LPL: variants seen among roughly 807,000 people sequenced by gnomAD.
LPL encodes phospholipase A1.
Under a neutral mutation model 52.2 loss-of-function variants are expected in LPL, and 43 were observed. The observed-to-expected ratio is 0.82, with a 90% confidence interval of 0.64 to 1.06. LPL has a LOEUF of 1.06. Among genes scored for constraint, LPL ranks in the 50% least tolerant of loss-of-function variants. The pLI, the probability that LPL is intolerant of heterozygous loss-of-function variation, is 0.00. For missense variants in LPL, 639 were observed against 585.3 expected, an observed-to-expected ratio of 1.09 and a Z score of -0.95; for synonymous variants, 244 against 215.6, an observed-to-expected ratio of 1.13 and a Z score of -1.15.
chr8:19,955,808 G>A lies in LPL; in HGVS notation c.776-33G>A, dbSNP rs200414414. On this transcript the variant is annotated intron_variant, in intron 5 of 9. Coordinates refer to ENST00000650287, the MANE Select transcript of LPL (RefSeq NM_000237.3). Reference sequence around the variant, plus strand: ...GAAACACTCTTTGTGAATTTCTGCCGAGATACAATCTTGGTGTCTCTTTTT... The same window carrying A: ...GAAACACTCTTTGTGAATTTCTGCCAAGATACAATCTTGGTGTCTCTTTTT... 2.0e-5 allele frequency: 33 copies of A among 1,613,818 alleles called. No individual in the cohort carries two copies. In the Middle Eastern group the frequency reaches 4.9e-4, roughly 24 times the overall value.
chr8:19,948,206 A>G lies in LPL; in HGVS notation c.115A>G (p.Ser39Gly), dbSNP rs1233863372. 1 of 1,614,174 alleles carries G rather than the reference A, an allele frequency of 6.2e-7. No homozygotes were observed. Among genetic ancestry groups the G allele is most frequent in the Non-Finnish European group, 8.5e-7 (1 of 1,180,018 alleles). The change falls in exon 2 of 10, where the codon AGT (serine) becomes GGT (glycine). Residue 39 changes from serine to glycine, a missense_variant. Physicochemically the swap from Ser to Gly is moderately conservative, Grantham distance 56 (BLOSUM62 0). Coordinates refer to ENST00000650287, the MANE Select transcript of LPL (RefSeq NM_000237.3). The stretch of plus-strand genomic sequence containing the variant: ...AAGAAGAGATTTTATCGACATCGAA[A>G]GTAAATTTGCCCTAAGGACCCCTGA... The part of the protein sequence containing the change: ...DQRRDFIDIE[S>G]KFALRTPEDT...
intron 1 of LPL, 42 bp from the exon 2 acceptor site, chr8:19,948,134 TCAAG>T: frequency 6.3e-7 from 1 of 1,583,818 alleles, no homozygotes; most frequent in East Asian, 2.2e-5. Flanking sequence ...ATGAATAAAA[TCAAG>T]CAACCCTCCA....
Position 19,965,261 on chromosome 8 carries a change from A to C in LPL, c.*-49A>C, listed in dbSNP as rs771356062. 12 of 779,496 alleles carry C rather than the reference A, an allele frequency of 1.5e-5. No individual in the cohort carries two copies. In the South Asian group the frequency reaches 1.6e-4, roughly 10 times the overall value. 48.3% of individuals were successfully genotyped at this position (779,496 alleles called of 1,614,324 possible). A position where few individuals can be genotyped will look rare whatever the true frequency, so the allele number is the denominator to read the frequency against. On this transcript the variant is annotated intron_variant, in intron 9 of 9. Coordinates refer to ENST00000650287, the MANE Select transcript of LPL (RefSeq NM_000237.3). ...CAGTGGGGGACAGGCGGGAATTGTA[A>C]AACACTCAGAAGATAATAAATTGCC...
At chr8:19,943,708 G>T (rs767223528) in intron 1 of LPL, among the ~76,000 whole-genome samples, 1 of 152,072 alleles carries the variant, frequency 6.6e-6, no homozygotes, top group Non-Finnish European at 1.5e-5. Flanking sequence ...AATAATGATG[G>T]CTTATTCACA....
chr8:19,939,486 CAG>C lies in LPL; in HGVS notation c.49_50del (p.Leu18AspfsTer22). ...LLVLTLAVWL[Q>X]SLTASRGGVA... ...CGTGCTGACTCTGGCCGTGTGGCTCCAGAGTCTGACCGCCTCCCGCGGAGGGG... is the reference window on the plus strand; with the variant it reads ...CGTGCTGACTCTGGCCGTGTGGCTCCAGTCTGACCGCCTCCCGCGGAGGGG... On this transcript the variant is annotated frameshift_variant, in exon 1 of 10. Coordinates refer to ENST00000650287, the MANE Select transcript of LPL (RefSeq NM_000237.3). LOFTEE classifies it high-confidence loss of function. This position sits in a 1 kb window ranked among gnomAD's most constrained non-coding sequence, Gnocchi z 4.0. 2 of 1,610,964 alleles carry C rather than the reference CAG, an allele frequency of 1.2e-6. No homozygotes were observed. The highest frequency in any genetic ancestry group is 1.7e-6 in the Non-Finnish European group (2 of 1,179,170).
chr8:19,939,972 G>A lies in LPL; in HGVS notation c.88+444G>A, dbSNP rs983878270. On this transcript the variant is annotated intron_variant, in intron 1 of 9. Coordinates refer to ENST00000650287, the MANE Select transcript of LPL (RefSeq NM_000237.3). The surrounding 1 kb of genome is among the most constrained non-coding windows in gnomAD (Gnocchi z 4.0). ...GTGACCTCGCCTTGGTTGGCACTGC[G>A]GCTCAGCCCCCGCCCGGGGACTCGC... is the stretch of plus-strand genomic sequence containing the variant. Among the ~76,000 whole-genome samples the A allele has an allele frequency of 3.9e-5, 6 of 152,314 alleles. No homozygotes were observed. The highest frequency in any genetic ancestry group is 3.9e-4 in the East Asian group (2 of 5,142).
rs992226489 is a variant in LPL at position 19,956,062 on chromosome 8, C to T, written c.997C>T (p.Arg333Cys). The change falls in exon 6 of 10, where the codon CGT becomes TGT. Residue 333 changes from arginine (R) to cysteine (C), a missense_variant. Physicochemically the swap from Arg to Cys is radical, Grantham distance 180 (BLOSUM62 -3). Transcript: ENST00000650287. ...KRSSKMYLKT[R>C]SQMPYKVFHY... ...AAGCAGCAAAATGTACCTGAAGACT[C>T]GTTCTCAGATGCCCTACAAAGGTAG... The T allele has an allele frequency of 5.0e-6, 8 of 1,614,054 alleles. No homozygotes were observed. The highest frequency in any genetic ancestry group is 2.7e-5 in the African/African-American group (2 of 74,918).
chr8:19,956,212 G>C (rs2069984518), intron 6 of LPL, 129 bp downstream of exon 6: 2 of 1,353,026 alleles, frequency 1.5e-6, no homozygotes, highest in African/African-American at 1.4e-5. Context: ...CTGAGCCCTG[G>C]TGTTTCTGTT....
At position 19,965,328 on chromosome 8, in the gene LPL, G is replaced by A; in HGVS notation, c.*18G>A. 1.3e-6 allele frequency: 1 copy of A among 780,530 alleles called. No homozygotes were observed. Among genetic ancestry groups the A allele is most frequent in the Non-Finnish European group, 2.4e-6 (1 of 417,906 alleles). 48.4% of individuals were successfully genotyped at this position (780,530 alleles called of 1,614,324 possible). A position where few individuals can be genotyped will look rare whatever the true frequency, so the allele number is the denominator to read the frequency against. ...TTCTCAGAAACTGGGCGAATCTACA[G>A]AACAAAGAACGGCATGTGAATTCTG... On this transcript the variant is annotated 3_prime_UTR_variant, in exon 10 of 10. Transcript: ENST00000650287.
At chr8:19,960,618 A>T (rs1384106088) in intron 7 of LPL, among the ~76,000 whole-genome samples, 1 of 152,270 alleles carries the variant, frequency 6.6e-6, no homozygotes, top group East Asian at 1.9e-4. Flanking sequence ...AAAGGAATAC[A>T]TGAAAATGAA....
Position 19,951,582 on chromosome 8 carries a change from T to C in LPL, c.250-187T>C, listed in dbSNP as rs190128663. ...AACTCAACTCAATGCCTTCCTGGCT[T>C]ACTTAGATCTGCCTTGGAAGGGACA... On this transcript the variant is annotated intron_variant, in intron 2 of 9. Transcript: ENST00000650287. 59 of 714,348 alleles carry C rather than the reference T, an allele frequency of 8.3e-5. No individual in the cohort carries two copies. The Admixed American group carries it at 1.1e-3, about 13-fold the overall frequency. 44.3% of individuals were successfully genotyped at this position (714,348 alleles called of 1,614,324 possible).
chr8:19,942,460 G>C (rs1432861697), intron 1 of LPL, among the ~76,000 whole-genome samples: 1 of 152,090 alleles, frequency 6.6e-6, no homozygotes, highest in Non-Finnish European at 1.5e-5. Context: ...TACTAATAAG[G>C]TAAATTCCAA....
Position 19,939,618 on chromosome 8 carries a change from A to AG in LPL, c.88+94dup. 1 of 1,365,882 alleles carries AG rather than the reference A, an allele frequency of 7.3e-7. No homozygotes were observed. The highest frequency in any genetic ancestry group is 2.0e-5 in the Admixed American group (1 of 50,336). 84.6% of individuals were successfully genotyped at this position (1,365,882 alleles called of 1,614,324 possible). ...TGAGGATGAGAAGAAGGAAGTTGGA[A>AG]GGGGCGGTGGATGCGCCCAGGGACT... On this transcript the variant is annotated intron_variant, in intron 1 of 9. Transcript: ENST00000650287. The surrounding 1 kb of genome is among the most constrained non-coding windows in gnomAD (Gnocchi z 4.0).
intron 7 of LPL, among the ~76,000 whole-genome samples, chr8:19,959,923 G>A (rs563105567): frequency 5.3e-5 from 8 of 151,372 alleles, no homozygotes; most frequent in Non-Finnish European, 1.2e-4. Flanking sequence ...CGAGTAGCTG[G>A]GGCTGCAGGT....
chr8:19,958,636 C>T (rs2128839069), intron 6 of LPL, among the ~76,000 whole-genome samples: 1 of 152,150 alleles, frequency 6.6e-6, no homozygotes, highest in South Asian at 2.1e-4. Flanking sequence ...TGAGTAAGTT[C>T]TTTAGTAGTG....
intron 6 of LPL, among the ~76,000 whole-genome samples, 155 bp from the exon 7 acceptor site, chr8:19,959,105 T>G (rs530512924): frequency 6.6e-6 from 1 of 152,218 alleles, no homozygotes; most frequent in African/African-American, 2.4e-5. Context: ...CTGTGCATGA[T>G]GAAGTCTTTC....
rs1191119208 is a variant in LPL at position 19,963,602 on chromosome 8, C to G, written c.1427+1383C>G. 5.9e-5 allele frequency among the ~76,000 whole-genome samples: 9 copies of G among 152,068 alleles called. No homozygotes were observed. The East Asian group carries it at 1.7e-3, about 29-fold the overall frequency. On this transcript the variant is annotated intron_variant, in intron 9 of 9. Transcript: ENST00000650287. The stretch of plus-strand genomic sequence containing the variant: ...ATAAAATCACTGTGACCATATCACT[C>G]AGAGACAACCCCAATTAACGTTTTT...
intron 9 of LPL, among the ~76,000 whole-genome samples, chr8:19,963,305 A>G (rs1254181781): frequency 6.6e-6 from 1 of 152,128 alleles, no homozygotes; most frequent in Non-Finnish European, 1.5e-5. Flanking sequence ...GTGTGGCGGC[A>G]CATGCCTGTA....
chr8:19,956,202 C>T (rs2069984396), intron 6 of LPL, 119 bp downstream of exon 6: 11 of 1,420,242 alleles, frequency 7.7e-6, no homozygotes, highest in Middle Eastern at 2.3e-4. Flanking sequence ...TTACTAAACC[C>T]TGAGCCCTGG....
Sources: allele counts gnomAD v4.1 joint callset (sites outside exome capture counted in the v4.1 genomes callset), GRCh38; gene constraint gnomAD v4.1.1; non-coding constraint Gnocchi (gnomAD v3.1); transcripts MANE v1.5; gene names NCBI Gene and HGNC (gene_info 2026-07-23, HGNC 2026-07-21).